The following LRBA variants were observed in gnomAD, a reference collection of about 807,000 sequenced individuals.
LRBA encodes the protein LPS responsive beige-like anchor protein.
A neutral mutation model predicts 330.0 loss-of-function variants in LRBA; 176 were observed. The ratio of observed to expected loss-of-function variants is 0.53; its 90% CI spans 0.47 to 0.60. LRBA has a LOEUF of 0.60. Among genes scored for constraint, LRBA ranks in the 20% least tolerant of loss-of-function variants. LRBA has a pLI of 0.00. For synonymous variants in LRBA, 1,230 were observed against 1,193.0 expected (o/e 1.03, Z -0.64); for missense variants, 3,259 against 3,444.8 (o/e 0.95, Z 1.35).
At chr4:150,513,771 A>G (rs2152141224) in intron 40 of LRBA, among the ~76,000 whole-genome samples, 1 of 152,096 alleles carries the variant, frequency 6.6e-6, no homozygotes, top group East Asian at 1.9e-4. Context: ...CATCCTTATG[A>G]CCTCATTTAC....
rs192183675 is a variant in LRBA at position 150,307,858 on chromosome 4, A to G, written c.7849+2371T>C. Among the ~76,000 whole-genome samples, 23 of 152,326 alleles carry G rather than the reference A, an allele frequency of 1.5e-4. No individual in the cohort carries two copies. The South Asian group carries it at 4.6e-3, about 30-fold the overall frequency. The stretch of plus-strand genomic sequence containing the variant: ...CATCTAGTAAAAGCCCAAATAATCA[A>G]AAAGGCTTGAATGGTGATGTTTTCT... On this transcript the variant is annotated intron_variant, in intron 52 of 56. Transcript: ENST00000651943.
At chr4:150,963,989 C>T (rs1209104621) in intron 2 of LRBA, among the ~76,000 whole-genome samples, 6 of 147,288 alleles carry the variant, frequency 4.1e-5, no homozygotes, top group Non-Finnish European at 7.4e-5. Context: ...TCTGCCCTGC[C>T]GCCACCCCTT....
At chr4:150,548,081 C>T (rs1269309724) in intron 40 of LRBA, among the ~76,000 whole-genome samples, 5 of 152,124 alleles carry the variant, frequency 3.3e-5, no homozygotes, top group Non-Finnish European at 5.9e-5. Context: ...CAATTAAGTC[C>T]TGTACGTTAT....
chr4:150,997,042 T>C (rs1308207432), intron 2 of LRBA, among the ~76,000 whole-genome samples: 1 of 152,240 alleles, frequency 6.6e-6, no homozygotes, highest in Non-Finnish European at 1.5e-5. Context: ...TTTCTTTTTT[T>C]ATTTTTATTT....
intron 47 of LRBA, among the ~76,000 whole-genome samples, chr4:150,351,622 G>A (rs1737185328): frequency 6.6e-6 from 1 of 152,114 alleles, no homozygotes; most frequent in South Asian, 2.1e-4. Flanking sequence ...CCAGGAGGTG[G>A]AGCTTGCAGT....
intron 2 of LRBA, among the ~76,000 whole-genome samples, chr4:150,997,543 A>G (rs1397060506): frequency 6.6e-6 from 1 of 152,192 alleles, no homozygotes; most frequent in Non-Finnish European, 1.5e-5. Flanking sequence ...AGAACTTATA[A>G]AGACTTAAGA....
chr4:150,927,201 C>A (rs1461368622), intron 4 of LRBA, among the ~76,000 whole-genome samples: 1 of 151,562 alleles, frequency 6.6e-6, no homozygotes, highest in Non-Finnish European at 1.5e-5. Flanking sequence ...GGCAAAACCC[C>A]GTCTCTACTA....
chr4:151,003,305 A>G (rs4696641), intron 2 of LRBA, among the ~76,000 whole-genome samples: 145,049 of 151,170 alleles, frequency 0.96, 69,866 homozygotes, highest in Non-Finnish European at 1. Context: ...GCTGAGGCAG[A>G]AGGATCGCTT....
At chr4:150,560,695 C>T (rs758748648) in intron 40 of LRBA, among the ~76,000 whole-genome samples, 12 of 152,018 alleles carry the variant, frequency 7.9e-5, no homozygotes, top group Admixed American at 6.6e-4. Context: ...CAATTAAAAG[C>T]GTTACTATCG....
chr4:150,544,066 C>T (rs1036108414), intron 40 of LRBA, among the ~76,000 whole-genome samples: 2 of 152,044 alleles, frequency 1.3e-5, no homozygotes, highest in Non-Finnish European at 2.9e-5. Flanking sequence ...GTCTACCTGT[C>T]CAGCTTTGCC....
chr4:150,353,908 A>C (rs1737496776), intron 47 of LRBA, among the ~76,000 whole-genome samples: 1 of 152,202 alleles, frequency 6.6e-6, no homozygotes, highest in African/African-American at 2.4e-5. Context: ...CAATATACCA[A>C]AGCTTTAAAA....
rs201072865 is a variant in LRBA at position 150,586,613 on chromosome 4, T to C, written c.6330+1435A>G. Reference sequence around the variant, plus strand: ...TTCATTGAGCCAAAAGATCTCCATATTTCACAAGCAACAAGAAAAAAATAA... The same window carrying C: ...TTCATTGAGCCAAAAGATCTCCATACTTCACAAGCAACAAGAAAAAAATAA... On this transcript the variant is annotated intron_variant, in intron 40 of 56. Transcript: ENST00000651943. Among the ~76,000 whole-genome samples, 5 of 152,126 alleles carry C rather than the reference T, an allele frequency of 3.3e-5. No homozygotes were observed. In the East Asian group the frequency reaches 9.6e-4, roughly 29 times the overall value.
chr4:150,810,563 T>C (rs1029912104), intron 31 of LRBA, among the ~76,000 whole-genome samples: 26 of 152,170 alleles, frequency 1.7e-4, no homozygotes, highest in Admixed American at 1.6e-3. Context: ...CGTTTAAAAA[T>C]GAAGCTAAAG....
At chr4:150,373,041 C>A (rs1050350223) in intron 47 of LRBA, among the ~76,000 whole-genome samples, 1 of 151,322 alleles carries the variant, frequency 6.6e-6, no homozygotes, top group East Asian at 2.0e-4. Flanking sequence ...GTCAACAATG[C>A]GAGACATTTT....
intron 37 of LRBA, among the ~76,000 whole-genome samples, chr4:150,620,306 T>G (rs1165094346): frequency 6.6e-6 from 1 of 152,042 alleles, no homozygotes; most frequent in African/African-American, 2.4e-5. Flanking sequence ...CAAAAAACAG[T>G]AGATGTTGGC....
Position 150,418,019 on chromosome 4 carries a change from G to GT in LRBA, c.7042-2430dup, listed in dbSNP as rs201449584. Among the ~76,000 whole-genome samples the GT allele has an allele frequency of 7.8e-3, 1,025 of 132,204 alleles. 6 individuals carry two copies. The highest frequency in any genetic ancestry group is 9.6e-3 in the Non-Finnish European group (582 of 60,540). 86.7% of individuals were successfully genotyped at this position (132,204 alleles called of 152,430 possible). ...TCTCCACAAGTTTTTTTGGTTTTTTGTTTTTTTTTTTTTTGGTTAAGAGAC... is the reference window on the plus strand; with the variant it reads ...TCTCCACAAGTTTTTTTGGTTTTTTGTTTTTTTTTTTTTTTGGTTAAGAGAC... On this transcript the variant is annotated intron_variant, in intron 46 of 56. Coordinates refer to ENST00000651943, the MANE Select transcript of LRBA (RefSeq NM_001364905.1).
At chr4:150,849,117 C>T in intron 25 of LRBA, 119 bp from the exon 26 acceptor site, 1 of 670,796 alleles carries the variant, frequency 1.5e-6, no homozygotes, top group Non-Finnish European at 2.5e-6. Context: ...CCTAGTAACA[C>T]AGAGTGATTT....
chr4:150,294,730 T>C (rs1323441944), intron 53 of LRBA, among the ~76,000 whole-genome samples: 5 of 152,146 alleles, frequency 3.3e-5, no homozygotes, highest in Non-Finnish European at 7.4e-5. Flanking sequence ...GGTGGGCGGA[T>C]CACAAGGTCA....
chr4:150,457,453 T>C (rs560424451), intron 44 of LRBA, among the ~76,000 whole-genome samples: 46 of 152,114 alleles, frequency 3.0e-4, no homozygotes, highest in Non-Finnish European at 5.9e-4. Context: ...ACTTGGAGAA[T>C]AGAATTGGAC....
Sources: gnomAD v4.1 joint callset for allele counts (sites outside exome capture counted in the v4.1 genomes callset) on GRCh38, gnomAD v4.1.1 for gene constraint, MANE v1.5 for transcripts, NCBI Gene and HGNC (gene_info 2026-07-23, HGNC 2026-07-21) for gene names.